Variants in FNBP1L observed in about 807,000 individuals in gnomAD.
FNBP1L encodes the protein formin-binding protein 1-like.
Under a neutral mutation model 91.2 loss-of-function variants are expected in FNBP1L, and 36 were observed. That is an observed-to-expected ratio of 0.39 (90% CI 0.30 to 0.52). FNBP1L has a LOEUF of 0.52. Ranked by LOEUF, FNBP1L falls within the 20% of genes least tolerant of loss-of-function variation. The pLI is 0.66. For missense variants in FNBP1L, 571 were observed against 732.1 expected (o/e 0.78, Z 2.54); for synonymous variants, 242 against 237.0 (o/e 1.02, Z -0.19).
chr1:93,449,348 C>A (rs1276110684), intron 1 of FNBP1L, among the ~76,000 whole-genome samples: 1 of 152,150 alleles, frequency 6.6e-6, no homozygotes, highest in Non-Finnish European at 1.5e-5. Flanking sequence ...CCGAGAGCCG[C>A]CTGGCCTCAG....
chr1:93,513,521 TAAAATAC>T, intron 2 of FNBP1L, among the ~76,000 whole-genome samples: 1 of 151,666 alleles, frequency 6.6e-6, no homozygotes, highest in South Asian at 2.1e-4. Flanking sequence ...AAATCCTCAA[TAAAATAC>T]TGGCAAACCG....
chr1:93,477,858 A>C (rs946913204), intron 1 of FNBP1L, among the ~76,000 whole-genome samples: 1 of 152,254 alleles, frequency 6.6e-6, no homozygotes, highest in Admixed American at 6.5e-5. Context: ...AAAAGATGTA[A>C]TAAGATACAA....
At chr1:93,468,052 C>G (rs563313764) in intron 1 of FNBP1L, among the ~76,000 whole-genome samples, 1 of 152,308 alleles carries the variant, frequency 6.6e-6, no homozygotes, top group Non-Finnish European at 1.5e-5. Context: ...TTTACTGTGA[C>G]TTTTCATTAC....
At chr1:93,448,405 G>C in intron 1 of FNBP1L, 100 bp downstream of exon 1, 2 of 1,295,498 alleles carry the variant, frequency 1.5e-6, no homozygotes, top group Non-Finnish European at 2.0e-6. Context: ...GCGCTCCGCC[G>C]TCCTCGGTCC....
chr1:93,503,543 T>C (rs1412973015), intron 2 of FNBP1L, among the ~76,000 whole-genome samples: 1 of 152,222 alleles, frequency 6.6e-6, no homozygotes, highest in African/African-American at 2.4e-5. Context: ...TCTTCTGTTG[T>C]TGTGTTTTGA....
intron 2 of FNBP1L, among the ~76,000 whole-genome samples, chr1:93,512,167 G>C (rs941232148): frequency 6.6e-6 from 1 of 151,978 alleles, no homozygotes; most frequent in African/African-American, 2.4e-5. Flanking sequence ...GATCAAAAGA[G>C]ACAAAGAAGG....
intron 2 of FNBP1L, among the ~76,000 whole-genome samples, chr1:93,502,554 A>G (rs867531978): frequency 2.0e-5 from 3 of 152,194 alleles, no homozygotes; most frequent in Admixed American, 1.3e-4. Flanking sequence ...TCTGAGACTG[A>G]TAATAACCAT....
intron 2 of FNBP1L, among the ~76,000 whole-genome samples, chr1:93,520,368 C>T (rs1489446332): frequency 6.6e-6 from 1 of 152,140 alleles, no homozygotes; most frequent in East Asian, 1.9e-4. Context: ...TAGTTTTAAG[C>T]AGTGCATCTC....
chr1:93,498,236 GGAA>G (rs1670333419), intron 1 of FNBP1L, among the ~76,000 whole-genome samples: 1 of 152,078 alleles, frequency 6.6e-6, no homozygotes, highest in East Asian at 1.9e-4. Context: ...GAAAAATAAA[GGAA>G]GATTGTTTCA....
In FNBP1L at chr1:93,546,964, A is replaced by G. The variant is rs199677189; in HGVS notation, c.1397A>G (p.His466Arg). 2.3e-4 allele frequency: 378 copies of G among 1,611,750 alleles called. No individual in the cohort carries two copies. In the African/African-American group the frequency reaches 3.2e-3, roughly 14 times the overall value. The change falls in exon 13 of 17, where the codon CAT becomes CGT. Residue 466 changes from histidine to arginine, a missense_variant. Coordinates refer to ENST00000271234, the MANE Select transcript of FNBP1L (RefSeq NM_001164473.3). The stretch of plus-strand genomic sequence containing the variant: ...ATTGACCGCCTACGAATGGAAATCC[A>G]TAAGAATGAGGTAGATTTGTTATTC... ...NNIDRLRMEI[H>R]KNEAWLSEVE...
At chr1:93,551,495 A>T in intron 16 of FNBP1L, 5 of 987,656 alleles carry the variant, frequency 5.1e-6, no homozygotes, top group Non-Finnish European at 6.0e-6. Context: ...AGTGAATTTG[A>T]ATAGTGAAAC....
rs866258180 is a variant in FNBP1L, at chr1:93,536,342, C to T, written c.1001C>T (p.Pro334Leu). The change falls in exon 10 of 17, where the codon CCA (proline) becomes CTA (leucine). Residue 334 changes from proline to leucine, a missense_variant. Physicochemically the swap from Pro to Leu is moderately conservative, Grantham distance 98 (BLOSUM62 -3). Around this residue, in one of 5 missense-constraint regions of FNBP1L, gnomAD observed 150 missense variants for 155.9 expected, o/e 0.96. Transcript: ENST00000271234. ...TTATTTCCATATTAGCCACAGTCCC[C>T]ACCCTTAACCCCTACTAGTTTATTC... ...LFGKKPKPQS[P>L]PLTPTSLFTS... 3 of 1,515,562 alleles carry T rather than the reference C, an allele frequency of 2.0e-6. No homozygotes were observed. The highest frequency in any genetic ancestry group is 2.8e-5 in the African/African-American group (2 of 71,640). The allele number at this position is 1,515,562 out of a possible 1,614,324, so 93.9% of individuals were successfully genotyped here.
rs1177270177 is a variant in FNBP1L, at chr1:93,453,315, A to G, written c.24+5010A>G. 2.0e-5 allele frequency among the ~76,000 whole-genome samples: 3 copies of G among 152,298 alleles called. 1 individual carries two copies. The highest frequency in any genetic ancestry group is 6.8e-3 in the Middle Eastern group (2 of 294). ...ATGTCACCATTCCATAATGACTATA[A>G]TAAGTTGGAAGCTAGAGAGCTGCCT... On this transcript the variant is annotated intron_variant, in intron 1 of 16. Coordinates refer to ENST00000271234, the MANE Select transcript of FNBP1L (RefSeq NM_001164473.3).
intron 1 of FNBP1L, among the ~76,000 whole-genome samples, chr1:93,471,422 T>TTA (rs1166430282): frequency 1.4e-4 from 22 of 152,368 alleles, no homozygotes; most frequent in South Asian, 6.2e-4. Flanking sequence ...CCAGGCACTG[T>TTA]AGCGCATGCC....
chr1:93,546,719 C>T, intron 12 of FNBP1L, 123 bp from the exon 13 acceptor site: 2 of 1,020,940 alleles, frequency 2.0e-6, no homozygotes, highest in Non-Finnish European at 2.8e-6. Flanking sequence ...GTTAGACAAA[C>T]TTAAAAAGAT....
intron 2 of FNBP1L, among the ~76,000 whole-genome samples, chr1:93,505,886 C>T (rs570027556): frequency 3.9e-5 from 6 of 152,296 alleles, no homozygotes; most frequent in Admixed American, 2.6e-4. Context: ...ACCATATTGA[C>T]CAGGCTGGTC....
chr1:93,467,393 G>A lies in FNBP1L; in HGVS notation c.24+19088G>A, dbSNP rs151263913. On this transcript the variant is annotated intron_variant, in intron 1 of 16. Coordinates refer to ENST00000271234, the MANE Select transcript of FNBP1L (RefSeq NM_001164473.3). ...TGAAACAAACAGGTCAGAGAAGGACGAATATTGTACAACTCCGTTTACATG... is the reference window on the plus strand; with the variant it reads ...TGAAACAAACAGGTCAGAGAAGGACAAATATTGTACAACTCCGTTTACATG... Among the ~76,000 whole-genome samples the A allele has an allele frequency of 1.9e-3, 291 of 152,268 alleles. 2 individuals carry two copies. Among genetic ancestry groups the A allele is most frequent in the African/African-American group, 6.7e-3 (280 of 41,554 alleles).
At chr1:93,534,953 C>A in intron 9 of FNBP1L, 45 bp downstream of exon 9, 2 of 1,443,178 alleles carry the variant, frequency 1.4e-6, no homozygotes, top group South Asian at 1.3e-5. Context: ...TTAAGTGTAC[C>A]AACTAAAACA....
At chr1:93,498,241 A>G (rs1670333488) in intron 1 of FNBP1L, among the ~76,000 whole-genome samples, 1 of 152,066 alleles carries the variant, frequency 6.6e-6, no homozygotes, top group Non-Finnish European at 1.5e-5. Context: ...ATAAAGGAAG[A>G]TTGTTTCAGC....
Sources: gnomAD v4.1 joint callset for allele counts (sites outside exome capture counted in the v4.1 genomes callset) on GRCh38, gnomAD v4.1.1 for gene constraint, gnomAD v4.1.1 regional missense constraint, MANE v1.5 for transcripts, NCBI Gene and HGNC (gene_info 2026-07-23, HGNC 2026-07-21) for gene names.